The following PCDH18 variants were observed in gnomAD, a reference collection of about 807,000 sequenced individuals.
PCDH18 encodes the protein protocadherin-18.
A neutral mutation model predicts 71.5 loss-of-function variants in PCDH18; 38 were observed. The ratio of observed to expected loss-of-function variants is 0.53; its 90% CI spans 0.41 to 0.70. The LOEUF (loss-of-function observed/expected upper bound fraction) is 0.70, where lower values mean the gene tolerates loss of function less well. Ranked by LOEUF, PCDH18 falls within the 30% of genes least tolerant of loss-of-function variation. The probability of loss-of-function intolerance (pLI) is 0.00; values close to 1 mark genes in which losing one functional copy is unlikely to be tolerated. For synonymous variants in PCDH18, 565 were observed against 505.4 expected, an observed-to-expected ratio of 1.12 and a Z score of -1.58; for missense variants, 1,334 against 1,384.6, an observed-to-expected ratio of 0.96 and a Z score of 0.58.
chr4:137,532,449 G>T lies in PCDH18; in HGVS notation c.-361C>A, dbSNP rs1195616473. 3.0e-6 allele frequency: 2 copies of T among 657,596 alleles called. No individual in the cohort carries two copies. Among genetic ancestry groups the T allele is most frequent in the Non-Finnish European group, 5.5e-6 (2 of 362,556 alleles). 40.7% of individuals were successfully genotyped at this position (657,596 alleles called of 1,614,324 possible). On this transcript the variant is annotated 5_prime_UTR_variant, in exon 1 of 4. Coordinates refer to ENST00000344876, the MANE Select transcript of PCDH18 (RefSeq NM_019035.5). Reference sequence around the variant, plus strand: ...CGATTCTTTCTCCCTTTAGCTGCTCGGCTGCAGACTAAACACCCGTGATTG... The same window carrying T: ...CGATTCTTTCTCCCTTTAGCTGCTCTGCTGCAGACTAAACACCCGTGATTG...
chr4:137,532,184 G>A lies in PCDH18; in HGVS notation c.-96C>T. ...CAACGTAAAGCTACATTTGGTACTT[G>A]AAACTTGAAAGCGTCTCTTAATAAC... is the stretch of plus-strand genomic sequence containing the variant. On this transcript the variant is annotated 5_prime_UTR_variant, in exon 1 of 4. Coordinates refer to ENST00000344876, the MANE Select transcript of PCDH18 (RefSeq NM_019035.5). 1 of 987,616 alleles carries A rather than the reference G, an allele frequency of 1.0e-6. No individual in the cohort carries two copies. Among genetic ancestry groups the A allele is most frequent in the African/African-American group, 1.6e-5 (1 of 63,114 alleles). 61.2% of individuals were successfully genotyped at this position (987,616 alleles called of 1,614,324 possible).
chr4:137,521,140 A>G lies in PCDH18; in HGVS notation c.3297T>C (p.Asp1099=), dbSNP rs766991806. The G allele has an allele frequency of 6.2e-7, 1 of 1,614,134 alleles. No individual in the cohort carries two copies. The change falls in exon 4 of 4, where the codon GAT becomes GAC. Residue 1099 remains aspartate, a synonymous_variant. Coordinates refer to ENST00000344876, the MANE Select transcript of PCDH18 (RefSeq NM_019035.5). ...GGTGGTTGAGCACATTGTCAAAATC[A>G]TCTTCCTCATAATTTTCAGGGATCT... ...MEEIPENYEE[D]DFDNVLNHLN...
chr4:137,529,442 T>C (rs1379111154), intron 1 of PCDH18, 160 bp downstream of exon 1: 1 of 536,546 alleles, frequency 1.9e-6, no homozygotes, highest in African/African-American at 1.9e-5. Flanking sequence ...TGCTAAAGTG[T>C]GCATCTTTGC....
At position 137,530,788 on chromosome 4, in the gene PCDH18, G is replaced by A; in HGVS notation, c.1301C>T (p.Thr434Ile). Residue 434 changes from threonine to isoleucine, a missense_variant, in exon 1 of 4, where the codon ACT (threonine) becomes ATT (isoleucine). By Grantham distance (89) the Thr-to-Ile change is moderately conservative (BLOSUM62 -1). Coordinates refer to ENST00000344876, the MANE Select transcript of PCDH18 (RefSeq NM_019035.5). ...TGTCCCCCTGTCCTCAGCGATTACAGTCAAACTATACTCAGATCTCTTTTC... is the reference window on the plus strand; with the variant it reads ...TGTCCCCCTGTCCTCAGCGATTACAATCAAACTATACTCAGATCTCTTTTC... ...DREKRSEYSL[T>I]VIAEDRGTPS... 1 of 1,612,116 alleles carries A rather than the reference G, an allele frequency of 6.2e-7. No homozygotes were observed. Among genetic ancestry groups the A allele is most frequent in the African/African-American group, 1.3e-5 (1 of 75,008 alleles).
In PCDH18 at chr4:137,530,335, G is replaced by T. The variant is rs766678974; in HGVS notation, c.1754C>A (p.Thr585Lys). 11 of 1,613,184 alleles carry T rather than the reference G, an allele frequency of 6.8e-6. No homozygotes were observed. The highest frequency in any genetic ancestry group is 2.7e-5 in the African/African-American group (2 of 74,882). ...VVIGPALRNN[T>K]AEITIPKGAE... ...CCCTTTGGGAATGGTGATTTCTGCC[G>T]TATTATTACGCAATGCAGGCCCTAT... The change falls in exon 1 of 4, where the codon ACG becomes AAG. Residue 585 changes from threonine to lysine, a missense_variant. By Grantham distance (78) the Thr-to-Lys change is moderately conservative. This residue lies in a region of PCDH18 where 1,011 missense variants were observed against 1,048.0 expected (regional missense o/e 0.96). Transcript: ENST00000344876.
chr4:137,521,124 G>A lies in PCDH18; in HGVS notation c.3313C>T (p.Leu1105Phe). 1.2e-6 allele frequency: 2 copies of A among 1,613,968 alleles called. No individual in the cohort carries two copies. The highest frequency in any genetic ancestry group is 8.5e-7 in the Non-Finnish European group (1 of 1,179,814). ...TGTTTCCCATCATTGAGGTGGTTGAGCACATTGTCAAAATCATCTTCCTCA... is the reference window on the plus strand; with the variant it reads ...TGTTTCCCATCATTGAGGTGGTTGAACACATTGTCAAAATCATCTTCCTCA... ...NYEEDDFDNVLNHLNDGKHEL... is the reference protein window; with the variant it reads ...NYEEDDFDNVFNHLNDGKHEL... Residue 1105 changes from leucine to phenylalanine, a missense_variant, in exon 4 of 4, where the codon CTC (leucine) becomes TTC (phenylalanine). Leu to Phe is a conservative substitution (Grantham distance 22). Coordinates refer to ENST00000344876, the MANE Select transcript of PCDH18 (RefSeq NM_019035.5).
Position 137,528,744 on chromosome 4 carries a change from G to A in PCDH18, c.2564C>T (p.Ser855Phe). The A allele has an allele frequency of 6.2e-7, 1 of 1,612,604 alleles. No homozygotes were observed. The highest frequency in any genetic ancestry group is 8.5e-7 in the Non-Finnish European group (1 of 1,178,754). Residue 855 changes from serine to phenylalanine, a missense_variant, in exon 2 of 4, where the codon TCC becomes TTC. Coordinates refer to ENST00000344876, the MANE Select transcript of PCDH18 (RefSeq NM_019035.5). Reference protein sequence around the residue: ...PRPSFRGNKYSRSYRYALQDM... With the variant: ...PRPSFRGNKYFRSYRYALQDM... ...GAATAATTCATACCTGTAGCTCCTGGAATATTTGTTTCCTCGAAAACTTGG... is the reference window on the plus strand; with the variant it reads ...GAATAATTCATACCTGTAGCTCCTGAAATATTTGTTTCCTCGAAAACTTGG...
At position 137,529,722 on chromosome 4, in the gene PCDH18, C is replaced by A; in HGVS notation, c.2367G>T (p.Gln789His). 6.2e-7 allele frequency: 1 copy of A among 1,614,024 alleles called. No individual in the cohort carries two copies. The highest frequency in any genetic ancestry group is 8.5e-7 in the Non-Finnish European group (1 of 1,179,950). Residue 789 changes from glutamine (Q) to histidine (H), a missense_variant, in exon 1 of 4, where the codon CAG becomes CAT. By Grantham distance (24) the Gln-to-His change is conservative. Transcript: ENST00000344876. ...TGTTGTGACTCTGCCGGCTGCCCAT[C>A]TGCCCTCTTTCTAAGGTAGGAGATG... The part of the protein sequence containing the change: ...PSSSPTLERG[Q>H]MGSRQSHNSH...
At position 137,521,289 on chromosome 4, in the gene PCDH18, G is replaced by A. The variant is rs1358365636; in HGVS notation, c.3148C>T (p.Pro1050Ser). 3 of 1,614,156 alleles carry A rather than the reference G, an allele frequency of 1.9e-6. No individual in the cohort carries two copies. Among genetic ancestry groups the A allele is most frequent in the East Asian group, 4.5e-5 (2 of 44,872 alleles). The change falls in exon 4 of 4, where the codon CCA (proline) becomes TCA (serine). Residue 1050 changes from proline (P) to serine (S), a missense_variant. Physicochemically the swap from Pro to Ser is moderately conservative, Grantham distance 74. Transcript: ENST00000344876. ...GCTGCCCATGCCGCTACCCCCTGTG[G>A]GTAACCCACAGTTTTGGCTGGCAAG... ...GPLPAKTVGY[P>S]QGVAAWAAST...
chr4:137,531,453 G>A lies in PCDH18; in HGVS notation c.636C>T (p.Tyr212=), dbSNP rs764858941. ...TGTCTGAGGCAGTGAGCTGAAGCTC[G>A]TAGCTTGACTTCAGCTCCCGATCTA... ...RELDRELKSS[Y]ELQLTASDMG... is the part of the protein sequence containing the mutation. Residue 212 remains tyrosine, a synonymous_variant, in exon 1 of 4, where the codon TAC becomes TAT. Transcript: ENST00000344876. 14 of 1,613,642 alleles carry A rather than the reference G, an allele frequency of 8.7e-6. No individual in the cohort carries two copies. In the Admixed American group the frequency reaches 1.3e-4, roughly 15 times the overall value.
Position 137,521,152 on chromosome 4 carries a change from A to C in PCDH18, c.3285T>G (p.Asn1095Lys). ...CATTGTCAAAATCATCTTCCTCATA[A>C]TTTTCAGGGATCTCCTCCATGGCTG... ...WLPAMEEIPE[N>K]YEEDDFDNVL... Residue 1095 changes from asparagine (N) to lysine (K), a missense_variant, in exon 4 of 4, where the codon AAT becomes AAG. Asn to Lys is a moderately conservative substitution (Grantham distance 94, BLOSUM62 0). Around this residue, in one of 3 missense-constraint regions of PCDH18, gnomAD observed 319 missense variants for 316.3 expected, o/e 1.01. Transcript: ENST00000344876. 1.2e-6 allele frequency: 2 copies of C among 1,614,000 alleles called. No homozygotes were observed. The highest frequency in any genetic ancestry group is 1.7e-6 in the Non-Finnish European group (2 of 1,179,990).
intron 3 of PCDH18, among the ~76,000 whole-genome samples, chr4:137,522,544 A>C (rs1217445523): frequency 3.3e-5 from 5 of 152,208 alleles, no homozygotes; most frequent in Admixed American, 3.3e-4. Flanking sequence ...GAAAAGATGT[A>C]AAATACACTC....
In PCDH18 at chr4:137,531,695, C is replaced by T. The variant is rs750700779; in HGVS notation, c.394G>A (p.Asp132Asn). The T allele has an allele frequency of 6.2e-7, 1 of 1,614,096 alleles. No homozygotes were observed. Among genetic ancestry groups the T allele is most frequent in the Non-Finnish European group, 8.5e-7 (1 of 1,180,002 alleles). The change falls in exon 1 of 4, where the codon GAC becomes AAC. Residue 132 changes from aspartate to asparagine, a missense_variant. Physicochemically the swap from Asp to Asn is conservative, Grantham distance 23. Coordinates refer to ENST00000344876, the MANE Select transcript of PCDH18 (RefSeq NM_019035.5). Reference sequence around the variant, plus strand: ...GATCTTGAAAACTGGGGAGAATTGTCATTAATATCCAGCACTTCAACTTCA... The same window carrying T: ...GATCTTGAAAACTGGGGAGAATTGTTATTAATATCCAGCACTTCAACTTCA... ...HIEVEVLDINDNSPQFSRSLI... is the reference protein window; with the variant it reads ...HIEVEVLDINNNSPQFSRSLI...
Position 137,521,198 on chromosome 4 carries a change from T to C in PCDH18, c.3239A>G (p.Gln1080Arg). The change falls in exon 4 of 4, where the codon CAG becomes CGG. Residue 1080 changes from glutamine (Q) to arginine (R), a missense_variant. Physicochemically the swap from Gln to Arg is conservative, Grantham distance 43. Coordinates refer to ENST00000344876, the MANE Select transcript of PCDH18 (RefSeq NM_019035.5). ...GGCTGGCAGCCATTTTGAAGAAGGC[T>C]GCACACTGGAGTGAGTTCCAAGTGG... ...GPPLGTHSSVQPSSKWLPAME... is the reference protein window; with the variant it reads ...GPPLGTHSSVRPSSKWLPAME... The C allele has an allele frequency of 6.2e-7, 1 of 1,614,216 alleles. No homozygotes were observed. The highest frequency in any genetic ancestry group is 8.5e-7 in the Non-Finnish European group (1 of 1,180,012).
chr4:137,531,608 C>A lies in PCDH18; in HGVS notation c.481G>T (p.Ala161Ser), dbSNP rs957672921. 1 of 1,613,742 alleles carries A rather than the reference C, an allele frequency of 6.2e-7. No individual in the cohort carries two copies. Among genetic ancestry groups the A allele is most frequent in the Non-Finnish European group, 8.5e-7 (1 of 1,179,746 alleles). The change falls in exon 1 of 4, where the codon GCA becomes TCA. Residue 161 changes from alanine to serine, a missense_variant. Coordinates refer to ENST00000344876, the MANE Select transcript of PCDH18 (RefSeq NM_019035.5). Reference sequence around the variant, plus strand: ...TTTTCCCCAACATCTGGATCAAATGCACTGTCCAGGGGAATGCGAGTCCCA... The same window carrying A: ...TTTTCCCCAACATCTGGATCAAATGAACTGTCCAGGGGAATGCGAGTCCCA... Reference protein sequence around the residue: ...AVGTRIPLDSAFDPDVGENSL... With the variant: ...AVGTRIPLDSSFDPDVGENSL...
At chr4:137,524,167 G>A (rs1731381117) in intron 3 of PCDH18, among the ~76,000 whole-genome samples, 1 of 152,164 alleles carries the variant, frequency 6.6e-6, no homozygotes, top group Non-Finnish European at 1.5e-5. Flanking sequence ...CTTATAGGTA[G>A]TTAAGTGTCC....
Position 137,519,369 on chromosome 4 carries a change from C to T in PCDH18, c.*1660G>A, listed in dbSNP as rs1354104278. 2 of 152,130 alleles carry T rather than the reference C, an allele frequency of 1.3e-5. No homozygotes were observed. The highest frequency in any genetic ancestry group is 1.3e-4 in the Admixed American group (2 of 15,272). The allele number at this position is 152,130 out of a possible 1,614,324, so 9.4% of individuals were successfully genotyped here. On this transcript the variant is annotated 3_prime_UTR_variant, in exon 4 of 4. Coordinates refer to ENST00000344876, the MANE Select transcript of PCDH18 (RefSeq NM_019035.5). Reference sequence around the variant, plus strand: ...TGTAAGGATACCTTTTTATCCTGCACAATTTAATACAAAATGTCCTAAGAA... The same window carrying T: ...TGTAAGGATACCTTTTTATCCTGCATAATTTAATACAAAATGTCCTAAGAA...
chr4:137,531,944 C>CT lies in PCDH18; in HGVS notation c.144dup (p.Glu49ArgfsTer5). The stretch of plus-strand genomic sequence containing the variant: ...TTCAATAAAACATCAGCCACATCCT[C>CT]TGATAGTCTTGCAATTACTGATCCA... On this transcript the variant is annotated frameshift_variant, in exon 1 of 4. Transcript: ENST00000344876. LOFTEE classifies it high-confidence loss of function. The CT allele has an allele frequency of 6.2e-7, 1 of 1,614,154 alleles. No homozygotes were observed. Among genetic ancestry groups the CT allele is most frequent in the Non-Finnish European group, 8.5e-7 (1 of 1,180,016 alleles).
intron 3 of PCDH18, among the ~76,000 whole-genome samples, chr4:137,527,376 T>C (rs1367363875): frequency 6.8e-6 from 1 of 146,032 alleles, no homozygotes; most frequent in South Asian, 2.1e-4. Context: ...TACTGTATTG[T>C]TTTTTATTTG....
Sources: allele counts gnomAD v4.1 joint callset (sites outside exome capture counted in the v4.1 genomes callset), GRCh38; gene constraint gnomAD v4.1.1; regional missense constraint gnomAD v4.1.1; transcripts MANE v1.5; gene names NCBI Gene and HGNC (gene_info 2026-07-23, HGNC 2026-07-21).